MYT1L: variants seen among roughly 807,000 people sequenced by gnomAD.
The protein encoded by MYT1L is myelin transcription factor 1 like, also known as myelin transcription factor 1-like protein.
MYT1L carries 12 observed loss-of-function variants against 126.7 expected under a neutral mutation model. The observed-to-expected ratio is 0.09, with a 90% confidence interval of 0.06 to 0.15. MYT1L has a LOEUF of 0.15. Among genes scored for constraint, MYT1L ranks in the 10% least tolerant of loss-of-function variants. MYT1L has a pLI of 1.00. For synonymous variants in MYT1L, 541 were observed against 604.2 expected, an observed-to-expected ratio of 0.90 and a Z score of 1.53; for missense variants, 979 against 1,585.2, an observed-to-expected ratio of 0.62 and a Z score of 6.49.
At chr2:2,142,997 T>A (rs1248731094) in intron 3 of MYT1L, among the ~76,000 whole-genome samples, 5 of 150,514 alleles carry the variant, frequency 3.3e-5, no homozygotes, top group African/African-American at 4.9e-5. Context: ...ATAACTTTTT[T>A]AAAAAGTTGT....
intron 21 of MYT1L, among the ~76,000 whole-genome samples, chr2:1,826,262 G>A (rs1463710552): frequency 3.3e-5 from 5 of 152,246 alleles, no homozygotes; most frequent in East Asian, 3.9e-4. Flanking sequence ...CACGGTGCTC[G>A]GGCATGGGAC....
Position 1,917,849 on chromosome 2 carries a change from C to T in MYT1L, c.1484-510G>A, listed in dbSNP as rs146412115. Among the ~76,000 whole-genome samples, 14 of 152,276 alleles carry T rather than the reference C, an allele frequency of 9.2e-5. No individual in the cohort carries two copies. The highest frequency in any genetic ancestry group is 3.9e-4 in the East Asian group (2 of 5,182). ...TTTACTGACATTGAAATTTGCTCTCCGGAGGTCAAGTGACATTGTTTCGTA... is the reference window on the plus strand; with the variant it reads ...TTTACTGACATTGAAATTTGCTCTCTGGAGGTCAAGTGACATTGTTTCGTA... On this transcript the variant is annotated intron_variant, in intron 10 of 24. Coordinates refer to ENST00000647738, the MANE Select transcript of MYT1L (RefSeq NM_001303052.2). The surrounding 1 kb of genome is among the most constrained non-coding windows in gnomAD (Gnocchi z 5.9).
chr2:2,152,852 G>C (rs1198187164), intron 3 of MYT1L, among the ~76,000 whole-genome samples: 1 of 152,174 alleles, frequency 6.6e-6, no homozygotes, highest in Non-Finnish European at 1.5e-5. Context: ...TGCCAGGGAT[G>C]AGGGTGTGAA....
chr2:1,933,902 G>A (rs1288338475), intron 9 of MYT1L, among the ~76,000 whole-genome samples: 1 of 151,928 alleles, frequency 6.6e-6, no homozygotes, highest in Non-Finnish European at 1.5e-5. Flanking sequence ...CATTGGTCTA[G>A]GGTTTGCCAT....
intron 1 of MYT1L, among the ~76,000 whole-genome samples, chr2:2,317,041 T>C (rs762833902): frequency 8.6e-5 from 13 of 151,834 alleles, no homozygotes; most frequent in Admixed American, 2.0e-4. Flanking sequence ...ATGGCCTCCA[T>C]CTCCTGACCT....
chr2:2,325,651 A>C (rs1263819308), intron 1 of MYT1L: 1 of 151,982 alleles, frequency 6.6e-6, no homozygotes, highest in Non-Finnish European at 1.5e-5. Flanking sequence ...CTCCTATAAC[A>C]CTCACCGCTA....
At position 1,917,458 on chromosome 2, in the gene MYT1L, G is replaced by T; in HGVS notation, c.1484-119C>A. 1 of 1,221,532 alleles carries T rather than the reference G, an allele frequency of 8.2e-7. No homozygotes were observed. Among genetic ancestry groups the T allele is most frequent in the Non-Finnish European group, 1.1e-6 (1 of 875,456 alleles). 75.7% of individuals were successfully genotyped at this position (1,221,532 alleles called of 1,614,324 possible). On this transcript the variant is annotated intron_variant, in intron 10 of 24. Transcript: ENST00000647738. The surrounding 1 kb of genome is among the most constrained non-coding windows in gnomAD (Gnocchi z 5.9). ...GAAATAAAGCAGGTGTCGGGGGCTAGGCTGTGACATCAGACTTTTGCTTAG... is the reference window on the plus strand; with the variant it reads ...GAAATAAAGCAGGTGTCGGGGGCTATGCTGTGACATCAGACTTTTGCTTAG...
intron 2 of MYT1L, among the ~76,000 whole-genome samples, chr2:2,256,630 G>A (rs2094820221): frequency 6.6e-6 from 1 of 152,194 alleles, no homozygotes; most frequent in African/African-American, 2.4e-5. Flanking sequence ...TGTGCAGAGG[G>A]AATTCGAAGA....
chr2:1,814,246 C>G (rs1027677830), intron 21 of MYT1L, among the ~76,000 whole-genome samples: 1 of 152,208 alleles, frequency 6.6e-6, no homozygotes, highest in Non-Finnish European at 1.5e-5. Flanking sequence ...CGCCCTGTCC[C>G]CATCCAACTG....
At chr2:1,957,770 T>C (rs10170029) in intron 8 of MYT1L, among the ~76,000 whole-genome samples, 9,600 of 152,298 alleles carry the variant, frequency 0.063, 399 homozygotes, top group South Asian at 0.11. Flanking sequence ...TTTATTTCTC[T>C]CTGCTGATTC....
At chr2:2,298,258 G>T (rs940129358) in intron 1 of MYT1L, among the ~76,000 whole-genome samples, 1 of 152,302 alleles carries the variant, frequency 6.6e-6, no homozygotes, top group African/African-American at 2.4e-5. Flanking sequence ...GGAGGATTTG[G>T]ATCTGACACT....
rs1025557978 is a variant in MYT1L, at chr2:1,979,395, T to A, written c.89+126A>T. ...TTTTTACGAGCAAGTCTCGGGGGAATTAATTTCATCAGTGCAGCAGGGCGT... is the reference window on the plus strand; with the variant it reads ...TTTTTACGAGCAAGTCTCGGGGGAAATAATTTCATCAGTGCAGCAGGGCGT... On this transcript the variant is annotated intron_variant, in intron 7 of 24. Coordinates refer to ENST00000647738, the MANE Select transcript of MYT1L (RefSeq NM_001303052.2). This position sits in a 1 kb window ranked among gnomAD's most constrained non-coding sequence, Gnocchi z 4.0. 6.1e-6 allele frequency: 7 copies of A among 1,142,052 alleles called. No individual in the cohort carries two copies. The highest frequency in any genetic ancestry group is 1.5e-5 in the African/African-American group (1 of 65,020). The allele number at this position is 1,142,052 out of a possible 1,614,324, so 70.7% of individuals were successfully genotyped here.
chr2:2,225,693 TG>T (rs927218372), intron 2 of MYT1L, among the ~76,000 whole-genome samples: 12 of 151,482 alleles, frequency 7.9e-5, no homozygotes, highest in African/African-American at 2.7e-4. Flanking sequence ...GGGGCGGGGG[TG>T]GGGGCAGGTG....
intron 9 of MYT1L, among the ~76,000 whole-genome samples, chr2:1,931,689 G>A (rs1395968316): frequency 6.6e-6 from 1 of 152,182 alleles, no homozygotes; most frequent in Admixed American, 6.5e-5. Flanking sequence ...CTGGGCCTCC[G>A]TCTCATTACC....
chr2:2,055,263 G>A (rs2069364833), intron 3 of MYT1L, among the ~76,000 whole-genome samples: 1 of 152,170 alleles, frequency 6.6e-6, no homozygotes, highest in African/African-American at 2.4e-5. Flanking sequence ...TATATCATCA[G>A]CGGGTTGTCA....
chr2:1,843,320 A>G (rs186377279), intron 19 of MYT1L, among the ~76,000 whole-genome samples: 14 of 152,294 alleles, frequency 9.2e-5, no homozygotes, highest in Admixed American at 6.5e-4. Context: ...GCGGTTCCCC[A>G]ATTCCTAGCC....
chr2:2,146,479 G>A (rs2084893383), intron 3 of MYT1L, among the ~76,000 whole-genome samples: 1 of 152,142 alleles, frequency 6.6e-6, no homozygotes. Flanking sequence ...ATCTGCAGGG[G>A]TCCTGCCTCC....
At chr2:1,846,996 C>T (rs2042586337) in intron 19 of MYT1L, among the ~76,000 whole-genome samples, 1 of 152,212 alleles carries the variant, frequency 6.6e-6, no homozygotes, top group African/African-American at 2.4e-5. Flanking sequence ...CTCCATTTCA[C>T]AGCAGGTAAG....
Position 1,811,404 on chromosome 2 carries a change from T to C in MYT1L, c.3081-2237A>G, listed in dbSNP as rs886200768. The C allele has an allele frequency of 3.9e-5, 6 of 152,454 alleles. No individual in the cohort carries two copies. The highest frequency in any genetic ancestry group is 1.5e-4 in the African/African-American group (6 of 41,356). The allele number at this position is 152,454 out of a possible 1,614,324, so 9.4% of individuals were successfully genotyped here. A position where few individuals can be genotyped will look rare whatever the true frequency, so the allele number is the denominator to read the frequency against. On this transcript the variant is annotated intron_variant, in intron 21 of 24. Coordinates refer to ENST00000647738, the MANE Select transcript of MYT1L (RefSeq NM_001303052.2). The surrounding 1 kb of genome is among the most constrained non-coding windows in gnomAD (Gnocchi z 4.4). The stretch of plus-strand genomic sequence containing the variant: ...TCTGGCGTCATCAGCTCTGGCGTCA[T>C]CAGCTCCAGCATCATCAGCTCCCGC...
Sources: allele counts gnomAD v4.1 joint callset (sites outside exome capture counted in the v4.1 genomes callset), GRCh38; gene constraint gnomAD v4.1.1; non-coding constraint Gnocchi (gnomAD v3.1); transcripts MANE v1.5; gene names NCBI Gene and HGNC (gene_info 2026-07-23, HGNC 2026-07-21).